Variants in SATB1 observed in about 807,000 individuals in gnomAD.
SATB1 encodes the protein DNA-binding protein SATB1.
In SATB1, 11 loss-of-function variants were observed where a neutral mutation model predicts 86.9. That is an observed-to-expected ratio of 0.13 (90% CI 0.08 to 0.21). SATB1 has a LOEUF of 0.21. SATB1 is among the 10% of genes least tolerant of loss of function. The pLI is 1.00. For synonymous variants in SATB1, 357 were observed against 357.2 expected (o/e 1.00, Z 0.01); for missense variants, 551 against 937.6 (o/e 0.59, Z 5.39).
chr3:18,391,329 C>G (rs1696656289), intron 7 of SATB1, among the ~76,000 whole-genome samples: 1 of 152,130 alleles, frequency 6.6e-6, no homozygotes, highest in African/African-American at 2.4e-5. Flanking sequence ...ACAGTATCTT[C>G]ATCTGACCCT....
Position 18,349,682 on chromosome 3 carries a change from G to C in SATB1, c.1780C>G (p.Gln594Glu). 6.3e-7 allele frequency: 1 copy of C among 1,597,330 alleles called. No homozygotes were observed. The highest frequency in any genetic ancestry group is 1.1e-5 in the South Asian group (1 of 89,698). The change falls in exon 11 of 11, where the codon CAA becomes GAA. Residue 594 changes from glutamine (Q) to glutamate (E), a missense_variant and splice_region_variant. This residue lies in a region of SATB1 where 87 missense variants were observed against 103.6 expected (regional missense o/e 0.84). Coordinates refer to ENST00000338745, the MANE Select transcript of SATB1 (RefSeq NM_002971.6). This position sits in a 1 kb window ranked among gnomAD's most constrained non-coding sequence, Gnocchi z 5.5. ...TGCTGTTGCTGTTGCTGCTGCTGTT[G>C]CTGCAAAGAAACAAGGAGACAATCA... is the stretch of plus-strand genomic sequence containing the variant. ...IIHVPAEQIQ[Q>E]QQQQQQQQQQ...
rs1000888498 is a variant in SATB1 at position 18,424,796 on chromosome 3, A to G, written c.-1194T>C. On this transcript the variant is annotated 5_prime_UTR_variant, in exon 1 of 11. Transcript: ENST00000338745. ...AACTGATCAGGAGTTTCCCGAAATGAAAGAGGGGGGCGGGCAGCGTCCTCT... is the reference window on the plus strand; with the variant it reads ...AACTGATCAGGAGTTTCCCGAAATGGAAGAGGGGGGCGGGCAGCGTCCTCT... 6.6e-6 allele frequency: 1 copy of G among 152,342 alleles called. No individual in the cohort carries two copies. The highest frequency in any genetic ancestry group is 2.4e-5 in the African/African-American group (1 of 41,422). 9.4% of individuals were successfully genotyped at this position (152,342 alleles called of 1,614,324 possible).
intron 5 of SATB1, among the ~76,000 whole-genome samples, chr3:18,413,815 G>C (rs1697988111): frequency 6.6e-6 from 1 of 151,982 alleles, no homozygotes; most frequent in South Asian, 2.1e-4. Context: ...AGAATATATA[G>C]AAAGCTATTA....
In SATB1 at chr3:18,388,930, A is replaced by T. The variant is rs562268728; in HGVS notation, c.1207-2319T>A. ...TAGTGAGAAAGTCAAATACAGGAAA[A>T]CATACAAAATAATATTCTTTCTCAA... On this transcript the variant is annotated intron_variant, in intron 7 of 10. Transcript: ENST00000338745. Among the ~76,000 whole-genome samples the T allele has an allele frequency of 1.6e-4, 24 of 152,226 alleles. 1 individual carries two copies. In the South Asian group the frequency reaches 5.0e-3, roughly 32 times the overall value.
At chr3:18,351,259 T>C in intron 10 of SATB1, 1 of 1,440,540 alleles carries the variant, frequency 6.9e-7, no homozygotes, top group Non-Finnish European at 9.4e-7. Flanking sequence ...AGCAGGTCTT[T>C]AGGTCACCCC....
chr3:18,363,813 T>TAGG (rs1181477224), intron 9 of SATB1, among the ~76,000 whole-genome samples: 1 of 152,172 alleles, frequency 6.6e-6, no homozygotes, highest in Non-Finnish European at 1.5e-5. Context: ...AAGAACCACT[T>TAGG]AAACTTCAGG....
intron 4 of SATB1, 58 bp downstream of exon 4, chr3:18,415,949 C>T (rs931409521): frequency 2.7e-6 from 4 of 1,475,224 alleles, no homozygotes; most frequent in Non-Finnish European, 2.7e-6. Context: ...AGAAATGCTT[C>T]ATTTCAAAAG....
intron 9 of SATB1, among the ~76,000 whole-genome samples, chr3:18,367,950 CAT>C (rs1484441537): frequency 6.6e-6 from 1 of 152,176 alleles, no homozygotes; most frequent in Non-Finnish European, 1.5e-5. Context: ...TTATCCCTAA[CAT>C]ACCTTCAAGT....
chr3:18,359,325 G>C (rs1199769326), intron 9 of SATB1, among the ~76,000 whole-genome samples: 3 of 151,836 alleles, frequency 2.0e-5, no homozygotes, highest in African/African-American at 7.3e-5. Flanking sequence ...GTTGAGCAAG[G>C]AGATCTCACA....
At chr3:18,418,381 TCTTCACCAAAG>T (rs1296723211) in intron 2 of SATB1, among the ~76,000 whole-genome samples, 1 of 152,160 alleles carries the variant, frequency 6.6e-6, no homozygotes, top group African/African-American at 2.4e-5. Context: ...TACATGTGAG[TCTTCACCAAAG>T]CTTTAGTGAA....
In SATB1 at chr3:18,394,563, T is replaced by C; in HGVS notation, c.1105A>G (p.Thr369Ala). The change falls in exon 7 of 11, where the codon ACA becomes GCA. Residue 369 changes from threonine (T) to alanine (A), a missense_variant. Thr to Ala is a moderately conservative substitution (Grantham distance 58, BLOSUM62 0). Coordinates refer to ENST00000338745, the MANE Select transcript of SATB1 (RefSeq NM_002971.6). This position sits in a 1 kb window ranked among gnomAD's most constrained non-coding sequence, Gnocchi z 5.9. Reference sequence around the variant, plus strand: ...TGGTAGATTTCGGAAGACACCTCTGTGTTGGTCGAAACCTGTTGCTCCAAA... The same window carrying C: ...TGGTAGATTTCGGAAGACACCTCTGCGTTGGTCGAAACCTGTTGCTCCAAA... ...KPLEQQVSTN[T>A]EVSSEIYQWV... 3 of 1,614,138 alleles carry C rather than the reference T, an allele frequency of 1.9e-6. No homozygotes were observed. The highest frequency in any genetic ancestry group is 2.5e-6 in the Non-Finnish European group (3 of 1,180,030).
chr3:18,371,810 C>G (rs1227980620), intron 9 of SATB1, among the ~76,000 whole-genome samples: 1 of 152,138 alleles, frequency 6.6e-6, no homozygotes, highest in African/African-American at 2.4e-5. Context: ...AGAAAAAACA[C>G]TTTCATCTTC....
chr3:18,378,915 A>G lies in SATB1; in HGVS notation c.1420-590T>C, dbSNP rs536544080. On this transcript the variant is annotated intron_variant, in intron 8 of 10. Transcript: ENST00000338745. ...AGAGTGCCTTGCTTAATTATCATAAAGGCTGGTTGAATTTTACACGTGCAT... is the reference window on the plus strand; with the variant it reads ...AGAGTGCCTTGCTTAATTATCATAAGGGCTGGTTGAATTTTACACGTGCAT... 8.7e-4 allele frequency among the ~76,000 whole-genome samples: 133 copies of G among 152,262 alleles called. 1 individual carries two copies. The highest frequency in any genetic ancestry group is 2.9e-3 in the African/African-American group (119 of 41,566).
chr3:18,433,366 AT>A (rs11327654), intron 2 of SATB1, among the ~76,000 whole-genome samples: 4,542 of 152,210 alleles, frequency 0.03, 239 homozygotes, highest in African/African-American at 0.1. Context: ...TTTAGATTCT[AT>A]TTTTTTAATA....
At chr3:18,369,882 A>T (rs969698180) in intron 9 of SATB1, among the ~76,000 whole-genome samples, 1 of 152,210 alleles carries the variant, frequency 6.6e-6, no homozygotes, top group African/African-American at 2.4e-5. Context: ...GATCTGATTA[A>T]GCCGGAGTGC....
intron 8 of SATB1, among the ~76,000 whole-genome samples, chr3:18,385,786 C>T (rs1696313259): frequency 6.6e-6 from 1 of 152,086 alleles, no homozygotes; most frequent in African/African-American, 2.4e-5. Flanking sequence ...TACAGATTCA[C>T]ATACCCAAAG....
At chr3:18,400,469 T>C (rs530187985) in intron 5 of SATB1, among the ~76,000 whole-genome samples, 7 of 152,262 alleles carry the variant, frequency 4.6e-5, no homozygotes, top group African/African-American at 1.4e-4. Context: ...GGAATGATAA[T>C]AGCATACACC....
chr3:18,376,202 C>T (rs188302051), intron 9 of SATB1, among the ~76,000 whole-genome samples: 152 of 145,150 alleles, frequency 1.0e-3, no homozygotes, highest in African/African-American at 3.7e-3. Flanking sequence ...CCCGGGGTAT[C>T]ATTTAAAAGG....
chr3:18,440,334 C>T (rs1228200445), upstream of SATB1, among the ~76,000 whole-genome samples: 1 of 152,102 alleles, frequency 6.6e-6, no homozygotes, highest in Non-Finnish European at 1.5e-5. Context: ...GATGAAATTA[C>T]TTGTCTTTAA....
Sources: gnomAD v4.1 joint callset for allele counts (sites outside exome capture counted in the v4.1 genomes callset) on GRCh38, gnomAD v4.1.1 for gene constraint, gnomAD v4.1.1 regional missense constraint, Gnocchi (gnomAD v3.1) non-coding constraint, MANE v1.5 for transcripts, NCBI Gene and HGNC (gene_info 2026-07-23, HGNC 2026-07-21) for gene names.